The following LRMDA variants were observed in gnomAD, a reference collection of about 807,000 sequenced individuals.
The protein encoded by LRMDA is leucine rich melanocyte differentiation associated, also known as leucine-rich melanocyte differentiation-associated protein.
LRMDA carries 18 observed loss-of-function variants against 29.8 expected under a neutral mutation model. The ratio of observed to expected loss-of-function variants is 0.60; its 90% CI spans 0.42 to 0.90. LRMDA has a LOEUF of 0.90. Among genes scored for constraint, LRMDA ranks in the 40% least tolerant of loss-of-function variants. The pLI is 0.00. For missense variants in LRMDA, 273 were observed against 273.9 expected, an observed-to-expected ratio of 1.00 and a Z score of 0.02; for synonymous variants, 125 against 109.4, an observed-to-expected ratio of 1.14 and a Z score of -0.89.
At chr10:75,855,453 C>T (rs778903465) in intron 2 of LRMDA, among the ~76,000 whole-genome samples, 193 of 152,044 alleles carry the variant, frequency 1.3e-3, no homozygotes, top group Admixed American at 4.3e-3. Context: ...CATTGTAGAT[C>T]CTGGGTATTA....
chr10:76,226,203 A>G (rs1435666265), intron 5 of LRMDA, among the ~76,000 whole-genome samples: 1 of 152,146 alleles, frequency 6.6e-6, no homozygotes, highest in Non-Finnish European at 1.5e-5. Context: ...TTACAGTCAT[A>G]GTGGAAGGGA....
At chr10:75,812,208 T>C (rs1300542742) in intron 2 of LRMDA, among the ~76,000 whole-genome samples, 2 of 151,080 alleles carry the variant, frequency 1.3e-5, no homozygotes, top group Non-Finnish European at 2.9e-5. Flanking sequence ...CTGCCTTTTG[T>C]TGATGCTATA....
chr10:76,359,844 T>C (rs1310300042), intron 6 of LRMDA, among the ~76,000 whole-genome samples: 1 of 152,186 alleles, frequency 6.6e-6, no homozygotes, highest in Admixed American at 6.5e-5. Flanking sequence ...AAAAATTCGT[T>C]AAGGCTGGGA....
At chr10:75,894,159 G>A (rs1845544409) in intron 2 of LRMDA, among the ~76,000 whole-genome samples, 1 of 151,970 alleles carries the variant, frequency 6.6e-6, no homozygotes, top group African/African-American at 2.4e-5. Context: ...TCCTATTGTA[G>A]TCTTTTATCC....
At chr10:75,563,751 C>G (rs1010755386) in intron 2 of LRMDA, among the ~76,000 whole-genome samples, 33 of 152,244 alleles carry the variant, frequency 2.2e-4, no homozygotes, top group Middle Eastern at 3.4e-3. Flanking sequence ...TTCTAACAGA[C>G]AGGACCCTCA....
chr10:76,236,142 C>G (rs1254560251), intron 5 of LRMDA, among the ~76,000 whole-genome samples: 2 of 152,082 alleles, frequency 1.3e-5, no homozygotes, highest in African/African-American at 4.8e-5. Context: ...AGGTTAGAAC[C>G]CAGACAGTCT....
At chr10:75,767,734 C>G (rs924439436) in intron 2 of LRMDA, among the ~76,000 whole-genome samples, 1 of 152,108 alleles carries the variant, frequency 6.6e-6, no homozygotes, top group Non-Finnish European at 1.5e-5. Flanking sequence ...AAATGCCCCC[C>G]GAAAAGAGGT....
intron 2 of LRMDA, among the ~76,000 whole-genome samples, chr10:75,462,376 CTTTTGTT>C (rs1844596926): frequency 6.6e-6 from 1 of 152,110 alleles, no homozygotes; most frequent in South Asian, 2.1e-4. Context: ...GGTGTAGTCT[CTTTTGTT>C]TTTTGTTGGA....
chr10:76,086,983 C>T (rs751811058), intron 5 of LRMDA, among the ~76,000 whole-genome samples: 8 of 152,152 alleles, frequency 5.3e-5, no homozygotes, highest in East Asian at 1.9e-4. Context: ...TGGGGAGAGA[C>T]GTTCTTTGGC....
At position 76,074,227 on chromosome 10, in the gene LRMDA, G is replaced by T. The variant is rs184673430; in HGVS notation, c.516+15444G>T. ...AAACTAAATATGAAGTTTTCAGCAT[G>T]TGCTGTTTTTAAAGGATTTCATGCA... is the stretch of plus-strand genomic sequence containing the variant. On this transcript the variant is annotated intron_variant, in intron 5 of 6. Transcript: ENST00000611255. Among the ~76,000 whole-genome samples, 3 of 152,294 alleles carry T rather than the reference G, an allele frequency of 2.0e-5. No homozygotes were observed. In the East Asian group the frequency reaches 5.8e-4, roughly 29 times the overall value.
intron 2 of LRMDA, among the ~76,000 whole-genome samples, chr10:75,953,388 T>C (rs1031575437): frequency 1.3e-5 from 2 of 152,166 alleles, no homozygotes; most frequent in African/African-American, 4.8e-5. Context: ...CAGGAAATTG[T>C]CTTTTAGGGG....
At chr10:76,407,331 C>T (rs1418986597) in intron 6 of LRMDA, among the ~76,000 whole-genome samples, 1 of 152,198 alleles carries the variant, frequency 6.6e-6, no homozygotes, top group East Asian at 1.9e-4. Context: ...AACAAAATTT[C>T]TATTGTTTCA....
chr10:76,046,122 T>G (rs1380733929), intron 3 of LRMDA, among the ~76,000 whole-genome samples: 1 of 122,162 alleles, frequency 8.2e-6, no homozygotes, highest in East Asian at 2.0e-4. Context: ...CCCCCTTTTA[T>G]CTGCCAACTT....
chr10:75,446,490 A>G (rs899127086), intron 2 of LRMDA, among the ~76,000 whole-genome samples: 35 of 152,210 alleles, frequency 2.3e-4, no homozygotes, highest in African/African-American at 8.2e-4. Context: ...GTGTTTGCAT[A>G]TCTCAGCGTT....
At chr10:75,885,475 C>T (rs1051790008) in intron 2 of LRMDA, among the ~76,000 whole-genome samples, 2 of 152,190 alleles carry the variant, frequency 1.3e-5, no homozygotes, top group African/African-American at 2.4e-5. Flanking sequence ...TTAAGCATGA[C>T]ATGTTCTGTA....
In LRMDA at chr10:76,143,264, C is replaced by G. The variant is rs541504986; in HGVS notation, c.516+84481C>G. Among the ~76,000 whole-genome samples, 34 of 152,282 alleles carry G rather than the reference C, an allele frequency of 2.2e-4. No homozygotes were observed. The East Asian group carries it at 6.0e-3, about 27-fold the overall frequency. On this transcript the variant is annotated intron_variant, in intron 5 of 6. Transcript: ENST00000611255. ...TAGTTCTAGATCCCTGAGAAATCGC[C>G]ACACTGACTTCCACAAGGGTTGAAC...
intron 2 of LRMDA, among the ~76,000 whole-genome samples, chr10:75,617,051 T>G (rs537241659): frequency 4.6e-5 from 7 of 152,194 alleles, no homozygotes; most frequent in Non-Finnish European, 4.4e-5. Context: ...AAGGTCCAGA[T>G]GGTTTCTATG....
At chr10:75,924,914 C>T (rs188999733) in intron 2 of LRMDA, among the ~76,000 whole-genome samples, 6 of 152,188 alleles carry the variant, frequency 3.9e-5, no homozygotes, top group Non-Finnish European at 7.4e-5. Flanking sequence ...TTTGAAGAAA[C>T]GGGTGATTTA....
chr10:76,335,406 G>T (rs1343919796), intron 6 of LRMDA, among the ~76,000 whole-genome samples: 1 of 152,146 alleles, frequency 6.6e-6, no homozygotes, highest in Non-Finnish European at 1.5e-5. Context: ...TGCAAATATA[G>T]TAAGCACTGT....
Sources: allele counts gnomAD v4.1 joint callset (sites outside exome capture counted in the v4.1 genomes callset), GRCh38; gene constraint gnomAD v4.1.1; transcripts MANE v1.5; gene names NCBI Gene and HGNC (gene_info 2026-07-23, HGNC 2026-07-21).